C12orf42: variants seen among roughly 807,000 people sequenced by gnomAD.
C12orf42 encodes uncharacterized protein C12orf42.
In C12orf42, 25 loss-of-function variants were observed where a neutral mutation model predicts 21.6. That is an observed-to-expected ratio of 1.16 (90% CI 0.84 to 1.62). The LOEUF is 1.62. Ranked by LOEUF, C12orf42 falls within the 40% of genes most tolerant of loss-of-function variation. The pLI is 0.00. For missense variants in C12orf42, 483 were observed against 459.3 expected, an observed-to-expected ratio of 1.05 and a Z score of -0.47; for synonymous variants, 174 against 175.0, an observed-to-expected ratio of 0.99 and a Z score of 0.05.
chr12:103,437,964 T>C (rs2139483074), intron 2 of C12orf42, among the ~76,000 whole-genome samples: 1 of 149,914 alleles, frequency 6.7e-6, no homozygotes, highest in African/African-American at 2.5e-5. Context: ...AAAAGAGAAT[T>C]TTAGACCAAT....
intron 4 of C12orf42, among the ~76,000 whole-genome samples, chr12:103,341,489 G>C (rs887343954): frequency 6.6e-6 from 1 of 152,028 alleles, no homozygotes; most frequent in Admixed American, 6.6e-5. Flanking sequence ...ACAAAACAAA[G>C]ATTTACAGAT....
At chr12:103,558,257 T>C in the C12orf42 span, 2 of 152,198 alleles carry the variant, frequency 1.3e-5, no homozygotes, top group African/African-American at 4.8e-5. Flanking sequence ...AAAATATAAA[T>C]CAATTGATAT....
chr12:103,470,405 T>C (rs1259496414), intron 2 of C12orf42, among the ~76,000 whole-genome samples: 1 of 152,194 alleles, frequency 6.6e-6, no homozygotes, highest in Non-Finnish European at 1.5e-5. Context: ...AAAATATAAA[T>C]GACTCCTCGT....
At chr12:103,170,090 C>G in the C12orf42 span, among the ~76,000 whole-genome samples, 1 of 152,118 alleles carries the variant, frequency 6.6e-6, no homozygotes, top group Admixed American at 6.6e-5. Flanking sequence ...GTGGTGAACA[C>G]TCCACTAATT....
chr12:103,495,609 C>CG (rs1955489654), intron 1 of C12orf42, among the ~76,000 whole-genome samples: 1 of 133,946 alleles, frequency 7.5e-6, no homozygotes, highest in South Asian at 2.6e-4. Flanking sequence ...CAACGGGGGG[C>CG]GGGGGATTAA....
At chr12:103,281,978 A>G (rs1178090859) in intron 4 of C12orf42, among the ~76,000 whole-genome samples, 1 of 152,038 alleles carries the variant, frequency 6.6e-6, no homozygotes, top group African/African-American at 2.4e-5. Flanking sequence ...CGATCCTAAA[A>G]TTTCTTGATA....
the C12orf42 span, among the ~76,000 whole-genome samples, chr12:103,519,939 A>G: frequency 2.0e-5 from 3 of 152,202 alleles, no homozygotes; most frequent in African/African-American, 7.2e-5. Context: ...AGGAGGGAAG[A>G]AGACAAAGGA....
At chr12:103,485,834 C>T (rs537560971) in intron 1 of C12orf42, among the ~76,000 whole-genome samples, 4 of 152,324 alleles carry the variant, frequency 2.6e-5, no homozygotes, top group South Asian at 4.1e-4. Flanking sequence ...TATCCTGAGA[C>T]TTTGCTGAAG....
chr12:103,165,377 A>G, the C12orf42 span, among the ~76,000 whole-genome samples: 3 of 152,226 alleles, frequency 2.0e-5, no homozygotes, highest in Non-Finnish European at 4.4e-5. Flanking sequence ...TAGCTGTAAT[A>G]AAGTCTCTTT....
At chr12:103,521,007 T>C in the C12orf42 span, among the ~76,000 whole-genome samples, 12 of 152,218 alleles carry the variant, frequency 7.9e-5, no homozygotes, top group Admixed American at 4.6e-4. Flanking sequence ...GTCTCCCTCC[T>C]AGACAGTAAA....
intron 4 of C12orf42, among the ~76,000 whole-genome samples, chr12:103,358,758 C>T (rs1762054962): frequency 1.3e-5 from 2 of 152,170 alleles, no homozygotes; most frequent in South Asian, 4.1e-4. Flanking sequence ...CTGTCATTAC[C>T]ATCATCAGGT....
chr12:103,422,578 C>G (rs2050003167), intron 2 of C12orf42, among the ~76,000 whole-genome samples: 1 of 152,052 alleles, frequency 6.6e-6, no homozygotes, highest in Non-Finnish European at 1.5e-5. Context: ...TAAAATGATA[C>G]CTCAATGCAA....
At chr12:103,231,271 T>C in the C12orf42 span, among the ~76,000 whole-genome samples, 12 of 152,336 alleles carry the variant, frequency 7.9e-5, no homozygotes, top group African/African-American at 2.9e-4. Flanking sequence ...ACCAGAGTGG[T>C]ACATTTATTA....
At chr12:103,171,571 G>A in the C12orf42 span, among the ~76,000 whole-genome samples, 7 of 152,200 alleles carry the variant, frequency 4.6e-5, no homozygotes, top group African/African-American at 7.2e-5. Context: ...ATATTGAGTC[G>A]CAGGAGCTGG....
At chr12:103,049,911 A>G in the C12orf42 span, among the ~76,000 whole-genome samples, 1 of 152,126 alleles carries the variant, frequency 6.6e-6, no homozygotes, top group African/African-American at 2.4e-5. Context: ...CTACCCCAGT[A>G]TCCTCTACCT....
At chr12:103,050,219 GGTGTGTGTGTGTGT>G in the C12orf42 span, among the ~76,000 whole-genome samples, 5 of 148,648 alleles carry the variant, frequency 3.4e-5, no homozygotes, top group African/African-American at 9.9e-5. Context: ...TTTTCTCACA[GGTGTGTGTGTGTGT>G]GTGTGTGTGT....
Position 103,334,511 on chromosome 12 carries a change from T to C in C12orf42, c.260-28166A>G, listed in dbSNP as rs145313554. On this transcript the variant is annotated intron_variant, in intron 4 of 5. Transcript: ENST00000548883. ...TACGAAAAGGCAGTCAAAATTACGC[T>C]GTGGCTTTATAAAAGAAGGCAGGGA... Among the ~76,000 whole-genome samples the C allele has an allele frequency of 5.2e-3, 790 of 152,236 alleles. 6 individuals are homozygous for C. Among genetic ancestry groups the C allele is most frequent in the African/African-American group, 0.017 (724 of 41,528 alleles).
chr12:103,386,226 C>T (rs2046598421), intron 3 of C12orf42, among the ~76,000 whole-genome samples: 1 of 152,192 alleles, frequency 6.6e-6, no homozygotes. Context: ...TGCATAATCA[C>T]TATCCTTAAC....
chr12:103,165,977 T>C, the C12orf42 span, among the ~76,000 whole-genome samples: 21 of 145,478 alleles, frequency 1.4e-4, no homozygotes, highest in African/African-American at 5.3e-4. Context: ...GAGGGGGAGG[T>C]TGGAGTGAGC....
Sources: gnomAD v4.1 joint callset for allele counts (sites outside exome capture counted in the v4.1 genomes callset) on GRCh38, gnomAD v4.1.1 for gene constraint, MANE v1.5 for transcripts, NCBI Gene and HGNC (gene_info 2026-07-23, HGNC 2026-07-21) for gene names.